Variants in SLC12A2 observed in about 807,000 individuals in gnomAD.
SLC12A2 encodes Na-K-2Cl cotransporter 1.
A neutral mutation model predicts 136.3 loss-of-function variants in SLC12A2; 67 were observed. That is an observed-to-expected ratio of 0.49 (90% CI 0.40 to 0.60). The LOEUF is 0.60. Among genes scored for constraint, SLC12A2 ranks in the 20% least tolerant of loss-of-function variants. SLC12A2 has a pLI of 0.00. For synonymous variants in SLC12A2, 619 were observed against 562.9 expected (o/e 1.10, Z -1.41); for missense variants, 1,322 against 1,534.7 (o/e 0.86, Z 2.32).
At chr5:128,137,174 T>A (rs1218687537) in intron 7 of SLC12A2, among the ~76,000 whole-genome samples, 1 of 152,228 alleles carries the variant, frequency 6.6e-6, no homozygotes, top group Non-Finnish European at 1.5e-5. Flanking sequence ...TTCCATTTTA[T>A]TTAGGATAAA....
Position 128,113,224 on chromosome 5 carries a change from C to T in SLC12A2, c.876+291C>T, listed in dbSNP as rs114657254. ...CATTGCCTCTTGTGAATCTCATGCA[C>T]TGTCACTTTTCAGAAATTAAATATG... On this transcript the variant is annotated intron_variant, in intron 2 of 26. Transcript: ENST00000262461. Among the ~76,000 whole-genome samples the T allele has an allele frequency of 2.7e-3, 408 of 152,258 alleles. 1 individual carries two copies. The highest frequency in any genetic ancestry group is 9.6e-3 in the African/African-American group (397 of 41,550).
intron 23 of SLC12A2, among the ~76,000 whole-genome samples, chr5:128,182,622 A>T (rs1214465397): frequency 6.6e-6 from 1 of 152,154 alleles, no homozygotes; most frequent in Non-Finnish European, 1.5e-5. Context: ...TCCATTACTC[A>T]GTGCTAAGGA....
rs946768567 is a variant in SLC12A2 at position 128,112,994 on chromosome 5, T to G, written c.876+61T>G. On this transcript the variant is annotated intron_variant, in intron 2 of 26. Coordinates refer to ENST00000262461, the MANE Select transcript of SLC12A2 (RefSeq NM_001046.3). ...ATATCTGTTGGTTATAAAATCTTCC[T>G]AACGTTCTCATCAGTTCTCAAGAGA... 9 of 1,424,902 alleles carry G rather than the reference T, an allele frequency of 6.3e-6. No individual in the cohort carries two copies. In the Admixed American group the frequency reaches 1.4e-4, roughly 23 times the overall value. 88.3% of individuals were successfully genotyped at this position (1,424,902 alleles called of 1,614,324 possible). A position where few individuals can be genotyped will look rare whatever the true frequency, so the allele number is the denominator to read the frequency against.
At chr5:128,136,293 T>C (rs916169455) in intron 7 of SLC12A2, among the ~76,000 whole-genome samples, 1 of 152,186 alleles carries the variant, frequency 6.6e-6, no homozygotes, top group Non-Finnish European at 1.5e-5. Context: ...AGGTTATTTA[T>C]GTTTGTCAGG....
chr5:128,177,942 A>G (rs910996495), intron 21 of SLC12A2, among the ~76,000 whole-genome samples: 3 of 152,154 alleles, frequency 2.0e-5, no homozygotes, highest in Non-Finnish European at 2.9e-5. Flanking sequence ...AGCTCCCACC[A>G]TCTTTCTGTG....
At chr5:128,185,931 CTGGGCATGG>C (rs1273337620) in intron 26 of SLC12A2, among the ~76,000 whole-genome samples, 3 of 151,900 alleles carry the variant, frequency 2.0e-5, no homozygotes, top group African/African-American at 7.3e-5. Flanking sequence ...ATATGTTAAG[CTGGGCATGG>C]TGGTGTGCAC....
chr5:128,153,088 G>A (rs957642560), intron 15 of SLC12A2, among the ~76,000 whole-genome samples: 37 of 152,250 alleles, frequency 2.4e-4, no homozygotes, highest in African/African-American at 8.7e-4. Context: ...GTAAGTATGA[G>A]ATTCATAAAG....
intron 4 of SLC12A2, among the ~76,000 whole-genome samples, chr5:128,120,071 AAGAAG>A (rs1174514711): frequency 6.6e-6 from 1 of 152,092 alleles, no homozygotes; most frequent in Non-Finnish European, 1.5e-5. Flanking sequence ...CACTTCTCAA[AAGAAG>A]ACATTTATGC....
At chr5:128,090,861 CA>C (rs1022590349) in intron 1 of SLC12A2, among the ~76,000 whole-genome samples, 42 of 152,222 alleles carry the variant, frequency 2.8e-4, no homozygotes, top group African/African-American at 9.4e-4. Context: ...GTGATAAAGT[CA>C]GGGGGTAGTG....
intron 1 of SLC12A2, 21 bp from the exon 2 acceptor site, chr5:128,112,793 C>T (rs757787428): frequency 3.2e-6 from 5 of 1,572,508 alleles, no homozygotes; most frequent in East Asian, 2.2e-5. Flanking sequence ...AAGCATAATT[C>T]ATATTTCTTT....
chr5:128,138,096 C>T (rs1762244364), intron 7 of SLC12A2, among the ~76,000 whole-genome samples: 1 of 152,056 alleles, frequency 6.6e-6, no homozygotes. Context: ...TGCCACCACT[C>T]CTGGCTAATT....
intron 1 of SLC12A2, chr5:128,109,540 G>A: frequency 1.5e-6 from 1 of 671,484 alleles, no homozygotes; most frequent in Non-Finnish European, 2.8e-6. Context: ...TCCAGCACTT[G>A]CTGGGTGGAG....
intron 9 of SLC12A2, among the ~76,000 whole-genome samples, chr5:128,140,283 G>C (rs911345630): frequency 1.5e-4 from 23 of 152,160 alleles, no homozygotes; most frequent in Non-Finnish European, 5.9e-5. Context: ...ACAGGTGTGA[G>C]CCACCGCGCC....
chr5:128,124,430 T>C (rs1408462567), intron 4 of SLC12A2, among the ~76,000 whole-genome samples: 2 of 152,180 alleles, frequency 1.3e-5, no homozygotes, highest in South Asian at 2.1e-4. Flanking sequence ...ACCAACTGGC[T>C]ATATATTGGG....
At chr5:128,140,608 AG>A (rs1268972884) in intron 9 of SLC12A2, among the ~76,000 whole-genome samples, 3 of 152,090 alleles carry the variant, frequency 2.0e-5, no homozygotes, top group Non-Finnish European at 4.4e-5. Context: ...TTGGAGCAAT[AG>A]GGGTAACCCC....
chr5:128,109,866 A>G, intron 1 of SLC12A2: 1 of 788,822 alleles, frequency 1.3e-6, no homozygotes, highest in South Asian at 1.3e-5. Context: ...TGTATTTTAA[A>G]AGAGCCAGTG....
intron 1 of SLC12A2, among the ~76,000 whole-genome samples, chr5:128,111,574 GC>G (rs933515235): frequency 3.9e-5 from 6 of 151,960 alleles, no homozygotes; most frequent in African/African-American, 1.5e-4. Context: ...GACCATCCTG[GC>G]TAAGATGGTG....
intron 10 of SLC12A2, among the ~76,000 whole-genome samples, chr5:128,147,363 G>A (rs1357533600): frequency 1.3e-5 from 2 of 151,636 alleles, no homozygotes; most frequent in African/African-American, 4.8e-5. Flanking sequence ...TTAGGTGATG[G>A]ATGTTAGCAG....
At chr5:128,172,123 TAC>T in intron 19 of SLC12A2, among the ~76,000 whole-genome samples, 1 of 152,368 alleles carries the variant, frequency 6.6e-6, no homozygotes, top group Non-Finnish European at 1.5e-5. Flanking sequence ...GTATGCTTTG[TAC>T]AGAGTCATAT....
Sources: allele counts gnomAD v4.1 joint callset (sites outside exome capture counted in the v4.1 genomes callset), GRCh38; gene constraint gnomAD v4.1.1; transcripts MANE v1.5; gene names NCBI Gene and HGNC (gene_info 2026-07-23, HGNC 2026-07-21).